Variants in MTUS2 observed in about 807,000 individuals in gnomAD.
MTUS2 encodes microtubule associated scaffold protein 2, also known as microtubule-associated tumor suppressor candidate 2.
In MTUS2, 40 loss-of-function variants were observed where a neutral mutation model predicts 114.1. The ratio of observed to expected loss-of-function variants is 0.35; its 90% CI spans 0.27 to 0.46. MTUS2 has a LOEUF of 0.46. Among genes scored for constraint, MTUS2 ranks in the 20% least tolerant of loss-of-function variants. The probability of loss-of-function intolerance (pLI) is 1.00; values close to 1 mark genes in which losing one functional copy is unlikely to be tolerated. For missense variants in MTUS2, 1,679 were observed against 1,705.4 expected, an observed-to-expected ratio of 0.98 and a Z score of 0.27; for synonymous variants, 688 against 672.0, an observed-to-expected ratio of 1.02 and a Z score of -0.37.
intron 2 of MTUS2, among the ~76,000 whole-genome samples, chr13:28,953,390 T>A: frequency 6.6e-6 from 1 of 152,120 alleles, no homozygotes; most frequent in East Asian, 1.9e-4. Context: ...GCACCTGTAA[T>A]CCCAGCTACT....
chr13:29,263,392 C>A (rs1049686496), intron 5 of MTUS2, among the ~76,000 whole-genome samples: 15 of 152,156 alleles, frequency 9.9e-5, no homozygotes, highest in Admixed American at 9.2e-4. Flanking sequence ...GACCCAAGGC[C>A]ACCTTCTGGC....
intron 2 of MTUS2, among the ~76,000 whole-genome samples, chr13:28,947,304 C>G (rs1882582497): frequency 6.6e-6 from 1 of 152,100 alleles, no homozygotes; most frequent in Non-Finnish European, 1.5e-5. Flanking sequence ...TTTGTGATGG[C>G]TGTGCAACCT....
intron 2 of MTUS2, among the ~76,000 whole-genome samples, chr13:28,978,588 A>G (rs1884222534): frequency 6.6e-6 from 1 of 152,234 alleles, no homozygotes; most frequent in East Asian, 1.9e-4. Flanking sequence ...AACTCAAACA[A>G]GATAGTGATC....
intron 4 of MTUS2, among the ~76,000 whole-genome samples, chr13:29,098,480 G>GCACA (rs66763189): frequency 0.025 from 3,770 of 151,718 alleles, 173 homozygotes; most frequent in African/African-American, 0.086. Flanking sequence ...GTGCGTGCAT[G>GCACA]CACACACACA....
At chr13:29,276,941 A>G (rs1306322845) in intron 5 of MTUS2, among the ~76,000 whole-genome samples, 1 of 152,062 alleles carries the variant, frequency 6.6e-6, no homozygotes, top group Non-Finnish European at 1.5e-5. Flanking sequence ...AATAAATAAG[A>G]AAAAAGAATA....
chr13:28,919,528 T>G (rs1188550918), intron 2 of MTUS2, among the ~76,000 whole-genome samples: 1 of 152,190 alleles, frequency 6.6e-6, no homozygotes, highest in East Asian at 1.9e-4. Context: ...GGAATTTGAT[T>G]ATTAAATGCC....
At chr13:29,478,577 T>C (rs914517128) in intron 9 of MTUS2, among the ~76,000 whole-genome samples, 4 of 152,200 alleles carry the variant, frequency 2.6e-5, no homozygotes, top group African/African-American at 9.7e-5. Context: ...TCTTTTTCCA[T>C]CAATATTGTT....
At chr13:29,337,019 A>T (rs900649515) in intron 7 of MTUS2, among the ~76,000 whole-genome samples, 1 of 152,084 alleles carries the variant, frequency 6.6e-6, no homozygotes, top group African/African-American at 2.4e-5. Context: ...TCCCAGGTTG[A>T]CTTCAGAGTG....
chr13:29,352,141 TAGAC>T (rs1869344315), intron 7 of MTUS2, among the ~76,000 whole-genome samples: 1 of 152,174 alleles, frequency 6.6e-6, no homozygotes, highest in Admixed American at 6.5e-5. Context: ...TGGCAGAAAA[TAGAC>T]TGAACTGAGT....
intron 2 of MTUS2, among the ~76,000 whole-genome samples, chr13:28,992,605 C>A (rs74041692): frequency 0.018 from 2,685 of 152,292 alleles, 82 homozygotes; most frequent in African/African-American, 0.061. Context: ...TTCAGTGGTT[C>A]ATGGCCACTT....
At chr13:28,837,881 AACAAC>A (rs1250438985) in intron 1 of MTUS2, among the ~76,000 whole-genome samples, 1 of 152,224 alleles carries the variant, frequency 6.6e-6, no homozygotes, top group Non-Finnish European at 1.5e-5. Context: ...TCGCTATTGG[AACAAC>A]ACAGAGTGCC....
At chr13:29,173,144 T>C (rs1236641013) in intron 5 of MTUS2, among the ~76,000 whole-genome samples, 1 of 152,182 alleles carries the variant, frequency 6.6e-6, no homozygotes, top group Non-Finnish European at 1.5e-5. Flanking sequence ...TCTTTTCTTA[T>C]TGATATTTGG....
At chr13:29,318,391 C>CTTTTTTTTTTTTTTTTTTTTTTT (rs71090240) in intron 6 of MTUS2, among the ~76,000 whole-genome samples, 2 of 135,074 alleles carry the variant, frequency 1.5e-5, no homozygotes, top group Non-Finnish European at 3.1e-5. Flanking sequence ...ATTTCTTTTT[C>CTTTTTTTTTTTTTTTTTTTTTTT]TTTTTTTTTT....
intron 1 of MTUS2, among the ~76,000 whole-genome samples, chr13:28,838,348 ATGC>A (rs1306440313): frequency 6.6e-6 from 1 of 152,176 alleles, no homozygotes; most frequent in Non-Finnish European, 1.5e-5. Context: ...AGTGTTGTGC[ATGC>A]TTCGAATTAA....
intron 2 of MTUS2, among the ~76,000 whole-genome samples, chr13:28,963,167 C>G (rs1010509741): frequency 3.9e-5 from 6 of 152,022 alleles, no homozygotes; most frequent in Non-Finnish European, 7.4e-5. Context: ...CTAGCTAACA[C>G]GGTGAAACCC....
chr13:29,191,557 A>G (rs543028464), intron 5 of MTUS2, among the ~76,000 whole-genome samples: 38 of 151,992 alleles, frequency 2.5e-4, no homozygotes, highest in Non-Finnish European at 5.0e-4. Context: ...TGAAGTGCAA[A>G]GATGGGCTGG....
chr13:29,030,727 G>T (rs553309929), intron 3 of MTUS2, among the ~76,000 whole-genome samples: 1 of 152,292 alleles, frequency 6.6e-6, no homozygotes, highest in South Asian at 2.1e-4. Context: ...ATAGAAGCCA[G>T]ATTTTTTTTT....
At chr13:29,458,417 T>C (rs1177519788) in intron 9 of MTUS2, among the ~76,000 whole-genome samples, 2 of 152,226 alleles carry the variant, frequency 1.3e-5, no homozygotes, top group African/African-American at 4.8e-5. Context: ...TATTCAGGGA[T>C]TCGTAAGCTA....
chr13:29,168,917 T>TGTGTGTGTGTGTGA (rs1200390555), intron 5 of MTUS2, among the ~76,000 whole-genome samples: 1 of 151,810 alleles, frequency 6.6e-6, no homozygotes, highest in African/African-American at 2.4e-5. Context: ...TGTGTGTGTG[T>TGTGTGTGTGTGTGA]GAAGAATATG....
Sources: gnomAD v4.1 joint callset for allele counts (sites outside exome capture counted in the v4.1 genomes callset) on GRCh38, gnomAD v4.1.1 for gene constraint, MANE v1.5 for transcripts, NCBI Gene and HGNC (gene_info 2026-07-23, HGNC 2026-07-21) for gene names.